Variants in PKHD1L1 observed in about 807,000 individuals in gnomAD.
PKHD1L1 encodes PKHD1 like 1, also known as fibrocystin-L.
A neutral mutation model predicts 462.9 loss-of-function variants in PKHD1L1; 434 were observed. The ratio of observed to expected loss-of-function variants is 0.94; its 90% CI spans 0.87 to 1.02. The LOEUF is 1.02. Ranked by LOEUF, PKHD1L1 falls within the 50% of genes least tolerant of loss-of-function variation. The pLI is 0.00. For synonymous variants in PKHD1L1, 1,781 were observed against 1,750.0 expected (o/e 1.02, Z -0.44); for missense variants, 5,202 against 5,096.1 (o/e 1.02, Z -0.63).
In PKHD1L1 at chr8:109,442,178, G is replaced by C. The variant is rs1158756086; in HGVS notation, c.4376G>C (p.Arg1459Thr). 1 of 1,610,956 alleles carries C rather than the reference G, an allele frequency of 6.2e-7. No homozygotes were observed. Among genetic ancestry groups the C allele is most frequent in the Non-Finnish European group, 8.5e-7 (1 of 1,178,804 alleles). ...IYDGKGFTSG[R>T]QKSTSGSFSY... ...GATGGCAAAGGATTCACAAGTGGAA[G>C]ACAAAAATCTACATCAGGTATGTTT... Residue 1459 changes from arginine to threonine, a missense_variant, in exon 35 of 78, where the codon AGA becomes ACA. Physicochemically the swap from Arg to Thr is moderately conservative, Grantham distance 71. Around this residue, in one of 3 missense-constraint regions of PKHD1L1, gnomAD observed 4,497 missense variants for 4,336.8 expected, o/e 1.04. Transcript: ENST00000378402.
intron 71 of PKHD1L1, among the ~76,000 whole-genome samples, chr8:109,512,959 T>C (rs890709276): frequency 2.0e-5 from 3 of 152,178 alleles, no homozygotes; most frequent in African/African-American, 4.8e-5. Context: ...TTTGAAGCAA[T>C]TATGAATGGG....
intron 9 of PKHD1L1, among the ~76,000 whole-genome samples, chr8:109,394,197 A>AAG (rs1266975693): frequency 7.4e-5 from 10 of 135,964 alleles, no homozygotes; most frequent in African/African-American, 1.4e-4. Flanking sequence ...AAAAAAAAAA[A>AAG]GAAATCAACT....
intron 38 of PKHD1L1, among the ~76,000 whole-genome samples, chr8:109,447,072 A>G (rs1054590532): frequency 6.6e-6 from 1 of 152,060 alleles, no homozygotes; most frequent in African/African-American, 2.4e-5. Flanking sequence ...AAATACAAAA[A>G]ATTAGCCAGG....
chr8:109,413,371 C>T (rs748882321), intron 20 of PKHD1L1, 50 bp from the exon 21 acceptor site: 7 of 1,222,926 alleles, frequency 5.7e-6, no homozygotes, highest in Non-Finnish European at 4.4e-6. Flanking sequence ...TGTTGTGAAA[C>T]AATGTAATGG....
At chr8:109,501,001 C>A (rs1819383786) in intron 67 of PKHD1L1, among the ~76,000 whole-genome samples, 1 of 152,072 alleles carries the variant, frequency 6.6e-6, no homozygotes, top group Admixed American at 6.5e-5. Flanking sequence ...ACTCATAGAA[C>A]CTAAAATTTT....
At chr8:109,426,634 G>C (rs1399751425) in intron 24 of PKHD1L1, among the ~76,000 whole-genome samples, 7 of 152,006 alleles carry the variant, frequency 4.6e-5, no homozygotes, top group Non-Finnish European at 1.0e-4. Context: ...AGATGAAATT[G>C]GTTTGTGAAT....
intron 28 of PKHD1L1, among the ~76,000 whole-genome samples, chr8:109,433,480 A>G (rs1181196830): frequency 2.0e-5 from 3 of 151,886 alleles, no homozygotes; most frequent in Non-Finnish European, 2.9e-5. Flanking sequence ...CTTCATTTGG[A>G]GGTTACATGA....
At chr8:109,389,511 T>A (rs1332634074) in intron 8 of PKHD1L1, among the ~76,000 whole-genome samples, 2 of 88,338 alleles carry the variant, frequency 2.3e-5, no homozygotes, top group African/African-American at 4.5e-5. Flanking sequence ...TGTGTGTGTG[T>A]GTGTGTGTGT....
chr8:109,365,910 GT>G (rs1020458323), intron 2 of PKHD1L1, among the ~76,000 whole-genome samples: 1 of 152,146 alleles, frequency 6.6e-6, no homozygotes, highest in Non-Finnish European at 1.5e-5. Flanking sequence ...GGAGGCAGAG[GT>G]TGCAGTGAGC....
intron 76 of PKHD1L1, among the ~76,000 whole-genome samples, chr8:109,525,879 C>T (rs1310476253): frequency 6.6e-6 from 1 of 152,008 alleles, no homozygotes; most frequent in Non-Finnish European, 1.5e-5. Flanking sequence ...GTTCATGAAA[C>T]CACAGATGTG....
chr8:109,514,227 A>T (rs1329007954), intron 71 of PKHD1L1, among the ~76,000 whole-genome samples: 1 of 151,878 alleles, frequency 6.6e-6, no homozygotes, highest in Non-Finnish European at 1.5e-5. Flanking sequence ...CTCTCCTCAG[A>T]TTCCACTTTC....
In PKHD1L1 at chr8:109,443,066, A is replaced by T. The variant is rs1430284748; in HGVS notation, c.4514A>T (p.His1505Leu). ...VINVLPAETR[H>L]IPLHLFVGRS... ...AATGTTTTACCAGCTGAAACCAGAC[A>T]CATTCCCTTGCACCTGTTTGTGGGT... The change falls in exon 36 of 78, where the codon CAC becomes CTC. Residue 1505 changes from histidine to leucine, a missense_variant. Transcript: ENST00000378402. 6.2e-7 allele frequency: 1 copy of T among 1,613,684 alleles called. No individual in the cohort carries two copies. The highest frequency in any genetic ancestry group is 1.1e-5 in the South Asian group (1 of 91,068).
rs1157909111 is a variant in PKHD1L1, at chr8:109,385,438, G to T, written c.476-99G>T. 6 of 689,110 alleles carry T rather than the reference G, an allele frequency of 8.7e-6. No individual in the cohort carries two copies. In the Admixed American group the frequency reaches 1.3e-4, roughly 15 times the overall value. The allele number at this position is 689,110 out of a possible 1,614,324, so 42.7% of individuals were successfully genotyped here. On this transcript the variant is annotated intron_variant, in intron 5 of 77. Transcript: ENST00000378402. The stretch of plus-strand genomic sequence containing the variant: ...GGCAAACATGAGGTATAAGTGTCTG[G>T]GTCCTGGTTTTATTGGGAAAATCTC...
rs1462412223 is a variant in PKHD1L1, at chr8:109,530,856, G to A, written c.*766G>A. On this transcript the variant is annotated 3_prime_UTR_variant, in exon 78 of 78. Coordinates refer to ENST00000378402, the MANE Select transcript of PKHD1L1 (RefSeq NM_177531.6). ...GAGGGTTGAGGGGTTCCCTTAACTG[G>A]TGGATGCTTATTCACTGTTTACTGG... Among the ~76,000 whole-genome samples, 1 of 152,118 alleles carries A rather than the reference G, an allele frequency of 6.6e-6. No homozygotes were observed. Among genetic ancestry groups the A allele is most frequent in the Non-Finnish European group, 1.5e-5 (1 of 68,024 alleles).
intron 37 of PKHD1L1, 95 bp downstream of exon 37, chr8:109,443,997 T>C: frequency 2.8e-6 from 3 of 1,073,810 alleles, no homozygotes; most frequent in South Asian, 1.6e-5. Flanking sequence ...ACCAGCTTTA[T>C]TGAGCTATAT....
intron 9 of PKHD1L1, among the ~76,000 whole-genome samples, chr8:109,391,818 A>G (rs1055643764): frequency 9.2e-5 from 14 of 152,162 alleles, no homozygotes; most frequent in African/African-American, 3.4e-4. Flanking sequence ...ATGGAACTGC[A>G]ATTGGTTTGT....
intron 67 of PKHD1L1, among the ~76,000 whole-genome samples, chr8:109,502,156 A>G (rs1425317961): frequency 2.0e-5 from 3 of 152,122 alleles, no homozygotes; most frequent in East Asian, 3.9e-4. Flanking sequence ...AATATAATAC[A>G]TGCAATTTCA....
Position 109,534,253 on chromosome 8 carries a change from G to C in PKHD1L1, c.*4163G>C, listed in dbSNP as rs1278558510. Among the ~76,000 whole-genome samples the C allele has an allele frequency of 2.0e-5, 3 of 152,236 alleles. No individual in the cohort carries two copies. Reference sequence around the variant, plus strand: ...CAAGGCAGGCGGATCACGAGGTCAGGAGATCGAGACTATCCTGGCTAACAC... The same window carrying C: ...CAAGGCAGGCGGATCACGAGGTCAGCAGATCGAGACTATCCTGGCTAACAC... On this transcript the variant is annotated 3_prime_UTR_variant, in exon 78 of 78. Transcript: ENST00000378402.
chr8:109,424,608 T>G (rs956315790), intron 23 of PKHD1L1, among the ~76,000 whole-genome samples: 9 of 143,246 alleles, frequency 6.3e-5, no homozygotes, highest in Non-Finnish European at 1.1e-4. Context: ...TAAACAAGTA[T>G]TTTTTTTTTT....
Sources: allele counts gnomAD v4.1 joint callset (sites outside exome capture counted in the v4.1 genomes callset), GRCh38; gene constraint gnomAD v4.1.1; regional missense constraint gnomAD v4.1.1; transcripts MANE v1.5; gene names NCBI Gene and HGNC (gene_info 2026-07-23, HGNC 2026-07-21).